AP3B1: variants seen among roughly 807,000 people sequenced by gnomAD.
The protein encoded by AP3B1 is adaptor related protein complex 3 subunit beta 1.
Under a neutral mutation model 132.5 loss-of-function variants are expected in AP3B1, and 61 were observed. The ratio of observed to expected loss-of-function variants is 0.46; its 90% CI spans 0.37 to 0.57. The LOEUF (loss-of-function observed/expected upper bound fraction) is 0.57, where lower values mean the gene tolerates loss of function less well. AP3B1 is among the 20% of genes least tolerant of loss of function. The pLI is 0.00. For missense variants in AP3B1, 1,120 were observed against 1,289.4 expected (o/e 0.87, Z 2.01); for synonymous variants, 388 against 438.3 (o/e 0.89, Z 1.43).
At chr5:78,187,542 A>G (rs910605477) in intron 7 of AP3B1, among the ~76,000 whole-genome samples, 1 of 151,926 alleles carries the variant, frequency 6.6e-6, no homozygotes, top group Admixed American at 6.6e-5. Context: ...GCAGTATATT[A>G]TAACAGTAAA....
intron 7 of AP3B1, among the ~76,000 whole-genome samples, chr5:78,205,850 T>C (rs562249694): frequency 7.4e-4 from 86 of 115,714 alleles, no homozygotes; most frequent in African/African-American, 2.6e-3. Context: ...GGATTTATTT[T>C]GTCTAAAAAA....
Position 78,165,683 on chromosome 5 carries a change from G to A in AP3B1, c.1168-11C>T. 6.4e-7 allele frequency: 1 copy of A among 1,566,942 alleles called. No individual in the cohort carries two copies. Among genetic ancestry groups the A allele is most frequent in the Non-Finnish European group, 8.8e-7 (1 of 1,139,892 alleles). On this transcript the variant is annotated splice_polypyrimidine_tract_variant and intron_variant, in intron 11 of 26. Transcript: ENST00000255194. ...TGTCAAAATTTCAAGCTATAGTAGA[G>A]AAAAGAGAAAGTAAACATTTTAAAA... is the stretch of plus-strand genomic sequence containing the variant.
chr5:78,263,290 T>C (rs1027272885), intron 2 of AP3B1, among the ~76,000 whole-genome samples: 1 of 152,136 alleles, frequency 6.6e-6, no homozygotes, highest in Non-Finnish European at 1.5e-5. Flanking sequence ...ATTTGTTTAA[T>C]TTTATTTTCA....
At chr5:78,061,452 C>T (rs895882732) in intron 22 of AP3B1, among the ~76,000 whole-genome samples, 6 of 152,164 alleles carry the variant, frequency 3.9e-5, no homozygotes, top group Admixed American at 2.0e-4. Context: ...TTCTGACACA[C>T]GACACACATT....
intron 7 of AP3B1, among the ~76,000 whole-genome samples, chr5:78,189,103 A>G (rs1744720730): frequency 6.6e-6 from 1 of 152,112 alleles, no homozygotes; most frequent in Admixed American, 6.5e-5. Flanking sequence ...AGCATTAGGG[A>G]AAAGAGCTAA....
chr5:78,261,464 G>A (rs1045591529), intron 2 of AP3B1, among the ~76,000 whole-genome samples: 1 of 151,762 alleles, frequency 6.6e-6, no homozygotes, highest in African/African-American at 2.4e-5. Context: ...TTTTGTTGTT[G>A]TTGTTTTGTT....
intron 7 of AP3B1, among the ~76,000 whole-genome samples, chr5:78,189,756 G>A (rs1321594890): frequency 6.6e-6 from 1 of 151,918 alleles, no homozygotes; most frequent in Non-Finnish European, 1.5e-5. Flanking sequence ...TATAGTCCAA[G>A]CTACTTGGGA....
chr5:78,153,003 G>A (rs1421300573), intron 14 of AP3B1, among the ~76,000 whole-genome samples: 1 of 152,112 alleles, frequency 6.6e-6, no homozygotes, highest in African/African-American at 2.4e-5. Context: ...AAAAGAATGT[G>A]TATTCTGCAG....
At chr5:78,242,502 G>A (rs982372384) in intron 2 of AP3B1, among the ~76,000 whole-genome samples, 1 of 152,130 alleles carries the variant, frequency 6.6e-6, no homozygotes, top group Non-Finnish European at 1.5e-5. Context: ...CGCCTCCCGG[G>A]TTCGAGCGAT....
In AP3B1 at chr5:78,141,249, G is replaced by A; in HGVS notation, c.1544C>T (p.Pro515Leu). ...ENCERVPKIA[P>L]DVLRKMAKSF... ...TTTAGCCATCTTCCTCAAAACATCAGGGGCAATTTTAGGAACTCGTTCACA... is the reference window on the plus strand; with the variant it reads ...TTTAGCCATCTTCCTCAAAACATCAAGGGCAATTTTAGGAACTCGTTCACA... The change falls in exon 15 of 27, where the codon CCT becomes CTT. Residue 515 changes from proline to leucine, a missense_variant. Around this residue, in one of 3 missense-constraint regions of AP3B1, gnomAD observed 906 missense variants for 997.1 expected, o/e 0.91. Transcript: ENST00000255194. 3 of 1,613,736 alleles carry A rather than the reference G, an allele frequency of 1.9e-6. No homozygotes were observed. Among genetic ancestry groups the A allele is most frequent in the Non-Finnish European group, 2.5e-6 (3 of 1,179,758 alleles).
chr5:78,256,447 A>T (rs528316842), intron 2 of AP3B1, among the ~76,000 whole-genome samples: 422 of 152,276 alleles, frequency 2.8e-3, no homozygotes, highest in Non-Finnish European at 3.9e-3. Flanking sequence ...AGATACATAC[A>T]ACCTATCAAG....
intron 20 of AP3B1, among the ~76,000 whole-genome samples, chr5:78,104,261 C>T (rs960319723): frequency 5.3e-5 from 8 of 152,096 alleles, no homozygotes; most frequent in African/African-American, 1.9e-4. Context: ...GAGGCTAACA[C>T]TTAAACTTGT....
Position 78,129,159 on chromosome 5 carries a change from G to A in AP3B1, c.1799C>T (p.Ala600Val). ...LSKYAKKIFL[A>V]QKPAPLLESP... ...CTCAAGCAGTGGTGCAGGCTTTTGT[G>A]CTAGGAATATTTTTTTGGCATATTT... The change falls in exon 16 of 27, where the codon GCA becomes GTA. Residue 600 changes from alanine (A) to valine (V), a missense_variant. Coordinates refer to ENST00000255194, the MANE Select transcript of AP3B1 (RefSeq NM_003664.5). 6.2e-7 allele frequency: 1 copy of A among 1,613,202 alleles called. No individual in the cohort carries two copies. The highest frequency in any genetic ancestry group is 8.5e-7 in the Non-Finnish European group (1 of 1,179,474).
At chr5:78,213,496 C>T (rs536055565) in intron 7 of AP3B1, among the ~76,000 whole-genome samples, 2 of 152,288 alleles carry the variant, frequency 1.3e-5, no homozygotes, top group South Asian at 4.2e-4. Flanking sequence ...CCTTTCAAAT[C>T]TTTCACACTG....
chr5:78,047,570 T>C (rs1748394937), intron 22 of AP3B1, among the ~76,000 whole-genome samples: 1 of 152,202 alleles, frequency 6.6e-6, no homozygotes, highest in African/African-American at 2.4e-5. Flanking sequence ...TCTTGCAAAT[T>C]TGCTTAAGTT....
intron 22 of AP3B1, among the ~76,000 whole-genome samples, chr5:78,067,660 A>G (rs1749349034): frequency 6.6e-6 from 1 of 152,218 alleles, no homozygotes; most frequent in African/African-American, 2.4e-5. Flanking sequence ...CCTGCTACTG[A>G]TTGACTCCTG....
At chr5:78,015,210 T>C (rs1348752305) in intron 26 of AP3B1, among the ~76,000 whole-genome samples, 200 bp downstream of exon 26, 1 of 152,080 alleles carries the variant, frequency 6.6e-6, no homozygotes, top group Non-Finnish European at 1.5e-5. Flanking sequence ...CATGCCAGTA[T>C]GATAAGGATG....
chr5:78,042,262 G>GAT (rs1748123197), intron 22 of AP3B1: 1 of 151,486 alleles, frequency 6.6e-6, no homozygotes, highest in Non-Finnish European at 1.5e-5. Context: ...TTTTTTTATA[G>GAT]ATAGGGGTTT....
In AP3B1 at chr5:78,047,387, C is replaced by A. The variant is rs549662857; in HGVS notation, c.2578-8113G>T. 2.0e-5 allele frequency among the ~76,000 whole-genome samples: 3 copies of A among 152,202 alleles called. No individual in the cohort carries two copies. In the South Asian group the frequency reaches 6.2e-4, roughly 32 times the overall value. ...TGTTGTTTCCTGACTTTTTAATGATCCCCATTCTAACTGGTGTGAGATGGT... is the reference window on the plus strand; with the variant it reads ...TGTTGTTTCCTGACTTTTTAATGATACCCATTCTAACTGGTGTGAGATGGT... On this transcript the variant is annotated intron_variant, in intron 22 of 26. Coordinates refer to ENST00000255194, the MANE Select transcript of AP3B1 (RefSeq NM_003664.5).
Sources: allele counts gnomAD v4.1 joint callset (sites outside exome capture counted in the v4.1 genomes callset), GRCh38; gene constraint gnomAD v4.1.1; regional missense constraint gnomAD v4.1.1; transcripts MANE v1.5; gene names NCBI Gene and HGNC (gene_info 2026-07-23, HGNC 2026-07-21).